Variants in BTRC observed in about 807,000 individuals in gnomAD.
BTRC encodes beta-transducin repeat containing E3 ubiquitin protein ligase.
Under a neutral mutation model 85.5 loss-of-function variants are expected in BTRC, and 42 were observed. The ratio of observed to expected loss-of-function variants is 0.49; its 90% CI spans 0.38 to 0.64. BTRC has a LOEUF of 0.64. BTRC is among the 30% of genes least tolerant of loss of function. The pLI is 0.00. For synonymous variants in BTRC, 255 were observed against 263.3 expected, an observed-to-expected ratio of 0.97 and a Z score of 0.30; for missense variants, 594 against 743.5, an observed-to-expected ratio of 0.80 and a Z score of 2.34.
At chr10:101,431,320 A>C (rs1944399338) in intron 2 of BTRC, among the ~76,000 whole-genome samples, 1 of 151,448 alleles carries the variant, frequency 6.6e-6, no homozygotes, top group Admixed American at 6.6e-5. Context: ...CAGGTAATCC[A>C]CCCATCTCGG....
At chr10:101,470,958 T>C (rs1945509393) in intron 3 of BTRC, among the ~76,000 whole-genome samples, 1 of 152,176 alleles carries the variant, frequency 6.6e-6, no homozygotes, top group East Asian at 1.9e-4. Flanking sequence ...GAAGAAAACG[T>C]TGCTGCTGGA....
At chr10:101,379,339 T>C (rs1355426757) in intron 1 of BTRC, among the ~76,000 whole-genome samples, 1 of 152,226 alleles carries the variant, frequency 6.6e-6, no homozygotes, top group Non-Finnish European at 1.5e-5. Context: ...ACAAAGGATT[T>C]CTTAAGTACT....
intron 4 of BTRC, among the ~76,000 whole-genome samples, chr10:101,512,749 G>A (rs928132316): frequency 6.6e-6 from 1 of 152,226 alleles, no homozygotes; most frequent in Admixed American, 6.5e-5. Flanking sequence ...TAGCCTTTGA[G>A]AACTAAGCTG....
chr10:101,375,029 A>G (rs1239330787), intron 1 of BTRC, among the ~76,000 whole-genome samples: 1 of 152,112 alleles, frequency 6.6e-6, no homozygotes, highest in Non-Finnish European at 1.5e-5. Context: ...GAAATTGACT[A>G]GGTGTCTGTT....
chr10:101,480,235 A>G (rs1241503864), intron 4 of BTRC, among the ~76,000 whole-genome samples: 1 of 152,166 alleles, frequency 6.6e-6, no homozygotes, highest in African/African-American at 2.4e-5. Context: ...ATTTTAGTTT[A>G]ACCTATTTTA....
At chr10:101,544,711 C>A in intron 13 of BTRC, among the ~76,000 whole-genome samples, 1 of 152,076 alleles carries the variant, frequency 6.6e-6, no homozygotes. Context: ...GCGCCTGGCT[C>A]TGAAAAAGTT....
chr10:101,363,386 T>C (rs1254298964), intron 1 of BTRC, among the ~76,000 whole-genome samples: 1 of 152,222 alleles, frequency 6.6e-6, no homozygotes, highest in Non-Finnish European at 1.5e-5. Flanking sequence ...AGGCACACTT[T>C]GGTAAATGCT....
chr10:101,412,710 A>G (rs552485459), intron 1 of BTRC, among the ~76,000 whole-genome samples: 2 of 152,354 alleles, frequency 1.3e-5, no homozygotes, highest in Admixed American at 6.5e-5. Flanking sequence ...TATATTAACT[A>G]TGAGTAACTA....
chr10:101,354,310 G>T, intron 1 of BTRC, 82 bp downstream of exon 1: 1 of 1,476,500 alleles, frequency 6.8e-7, no homozygotes, highest in Non-Finnish European at 9.2e-7. Flanking sequence ...GCCCACTGCG[G>T]GACCGGGCAG....
At position 101,499,277 on chromosome 10, in the gene BTRC, G is replaced by T. The variant is rs941412120; in HGVS notation, c.324+19820G>T. 9.5e-4 allele frequency among the ~76,000 whole-genome samples: 144 copies of T among 151,800 alleles called. 1 individual carries two copies. The highest frequency in any genetic ancestry group is 3.4e-3 in the African/African-American group (141 of 41,412). The stretch of plus-strand genomic sequence containing the variant: ...TTTTTTGAGACAGGAGTCTCGTTCT[G>T]TCGGGCTGGAGTGCAGTGGTGCGAT... On this transcript the variant is annotated intron_variant, in intron 4 of 14. Transcript: ENST00000370187.
In BTRC at chr10:101,535,438, CT is replaced by C. The variant is rs1256901765; in HGVS notation, c.1433del (p.Leu478ArgfsTer2). The C allele has an allele frequency of 6.2e-7, 1 of 1,613,780 alleles. No homozygotes were observed. On this transcript the variant is annotated frameshift_variant, in exon 11 of 15. Transcript: ENST00000370187. LOFTEE classifies it high-confidence loss of function. ...TGCCTGTTTGCAGTACAGGGACAGG[CT>C]GGTAGTGAGTGGCTCATCTGACAAC... ...GIACLQYRDRLVVSGSSDNTI... is the reference protein window; with the variant it reads ...GIACLQYRDRXVVSGSSDNTI...
intron 1 of BTRC, among the ~76,000 whole-genome samples, chr10:101,395,597 A>G (rs1943343598): frequency 6.6e-6 from 1 of 152,224 alleles, no homozygotes; most frequent in Admixed American, 6.5e-5. Context: ...TTGAAATAAC[A>G]GTGGATTTTT....
chr10:101,473,177 C>T (rs1257581154), intron 3 of BTRC, among the ~76,000 whole-genome samples: 1 of 146,598 alleles, frequency 6.8e-6, no homozygotes, highest in Admixed American at 6.9e-5. Flanking sequence ...TCTCTCTGTT[C>T]TTCAGTTTAT....
intron 2 of BTRC, among the ~76,000 whole-genome samples, chr10:101,447,452 T>C (rs1220226067): frequency 1.3e-5 from 2 of 152,214 alleles, no homozygotes; most frequent in Admixed American, 1.3e-4. Context: ...CATTATACAT[T>C]GGTTTCCACA....
chr10:101,387,527 A>ATTTTTTTTTTTTTTTTTTT (rs1564741908), intron 1 of BTRC, among the ~76,000 whole-genome samples: 2 of 17,000 alleles, frequency 1.2e-4, no homozygotes, highest in Admixed American at 9.2e-4. Flanking sequence ...CCTTCATGGG[A>ATTTTTTTTTTTTTTTTTTT]CTTTTTTTTT....
At chr10:101,375,267 C>T (rs1230010378) in intron 1 of BTRC, among the ~76,000 whole-genome samples, 1 of 151,864 alleles carries the variant, frequency 6.6e-6, no homozygotes, top group Non-Finnish European at 1.5e-5. Context: ...ACCTTCTCTG[C>T]CCCCCTCTCT....
chr10:101,527,232 A>G (rs2062205535), intron 6 of BTRC, among the ~76,000 whole-genome samples: 1 of 152,226 alleles, frequency 6.6e-6, no homozygotes, highest in Non-Finnish European at 1.5e-5. Flanking sequence ...AAAGATAAAT[A>G]TTCATGGGCC....
chr10:101,354,408 C>G, intron 1 of BTRC, 180 bp downstream of exon 1: 1 of 668,544 alleles, frequency 1.5e-6, no homozygotes, highest in Non-Finnish European at 2.4e-6. Context: ...CGGAGCGGAC[C>G]CAGGGGTGGG....
chr10:101,477,790 C>T (rs112718993), intron 3 of BTRC, among the ~76,000 whole-genome samples: 2 of 152,054 alleles, frequency 1.3e-5, no homozygotes, highest in African/African-American at 4.8e-5. Context: ...GCTGGAACTA[C>T]AGGCACCCAC....
Sources: allele counts gnomAD v4.1 joint callset (sites outside exome capture counted in the v4.1 genomes callset), GRCh38; gene constraint gnomAD v4.1.1; transcripts MANE v1.5; gene names NCBI Gene and HGNC (gene_info 2026-07-23, HGNC 2026-07-21).